Variants in SGCZ observed in about 807,000 individuals in gnomAD.
SGCZ encodes the protein sarcoglycan zeta, also known as zeta-sarcoglycan.
Under a neutral mutation model 41.3 loss-of-function variants are expected in SGCZ, and 40 were observed. The observed-to-expected ratio is 0.97, with a 90% CI of 0.75 to 1.26. The LOEUF (loss-of-function observed/expected upper bound fraction) is 1.26. SGCZ is among the 50% of genes most tolerant of loss of function. SGCZ has a pLI of 0.00. For synonymous variants in SGCZ, 206 were observed against 137.5 expected (o/e 1.50, Z -3.49); for missense variants, 552 against 369.8 (o/e 1.49, Z -4.04).
chr8:15,013,760 T>C (rs1439249319), intron 1 of SGCZ, among the ~76,000 whole-genome samples: 1 of 152,222 alleles, frequency 6.6e-6, no homozygotes, highest in Non-Finnish European at 1.5e-5. Flanking sequence ...TTATACATCA[T>C]ATGCTTAATG....
At chr8:14,455,895 T>C (rs985519977) in intron 2 of SGCZ, among the ~76,000 whole-genome samples, 1 of 152,202 alleles carries the variant, frequency 6.6e-6, no homozygotes, top group Admixed American at 6.5e-5. Flanking sequence ...AAAAGGAGTT[T>C]ACATGTTTAT....
chr8:14,172,193 C>G lies in SGCZ; in HGVS notation c.425-7491G>C, dbSNP rs146356390. ...TCTTCCAAATTCCACACAACAAAGACTTATTTTTTGTTCATGCCCATTTCC... is the reference window on the plus strand; with the variant it reads ...TCTTCCAAATTCCACACAACAAAGAGTTATTTTTTGTTCATGCCCATTTCC... On this transcript the variant is annotated intron_variant, in intron 4 of 7. Transcript: ENST00000382080. Among the ~76,000 whole-genome samples, 97 of 152,174 alleles carry G rather than the reference C, an allele frequency of 6.4e-4. 1 individual carries two copies. Among genetic ancestry groups the G allele is most frequent in the Admixed American group, 3.2e-3 (49 of 15,268 alleles).
chr8:14,811,319 T>G (rs977931344), intron 1 of SGCZ, among the ~76,000 whole-genome samples: 5 of 151,998 alleles, frequency 3.3e-5, no homozygotes, highest in African/African-American at 7.2e-5. Flanking sequence ...TTTATACATA[T>G]CAAAACCCAC....
rs143430677 is a variant in SGCZ at position 14,939,823 on chromosome 8, C to T, written c.39+297762G>A. The stretch of plus-strand genomic sequence containing the variant: ...ACACACACCACTCTCCTGATTTCCT[C>T]TCCTCTCCAGCCTTCACCCTACTTT... On this transcript the variant is annotated intron_variant, in intron 1 of 7. Coordinates refer to ENST00000382080, the MANE Select transcript of SGCZ (RefSeq NM_139167.4). Among the ~76,000 whole-genome samples the T allele has an allele frequency of 3.8e-3, 583 of 152,200 alleles. 6 individuals are homozygous for T. Among genetic ancestry groups the T allele is most frequent in the African/African-American group, 0.013 (555 of 41,542 alleles).
chr8:14,242,360 C>G (rs13249458), intron 3 of SGCZ, among the ~76,000 whole-genome samples: 44,862 of 152,028 alleles, frequency 0.3, 7,143 homozygotes, highest in Non-Finnish European at 0.36. Flanking sequence ...AGTTATGAAG[C>G]TTACAATAAA....
intron 1 of SGCZ, among the ~76,000 whole-genome samples, chr8:14,777,826 G>A (rs1380813142): frequency 1.3e-5 from 2 of 149,692 alleles, no homozygotes; most frequent in Non-Finnish European, 2.9e-5. Context: ...AATGTTAATT[G>A]AATCTGAGTG....
intron 2 of SGCZ, among the ~76,000 whole-genome samples, chr8:14,425,316 A>T (rs957673131): frequency 6.6e-6 from 1 of 152,238 alleles, no homozygotes; most frequent in African/African-American, 2.4e-5. Context: ...CTGTGATGTA[A>T]AAAATTTCAA....
At chr8:14,266,657 C>A (rs993792408) in intron 3 of SGCZ, among the ~76,000 whole-genome samples, 2 of 151,958 alleles carry the variant, frequency 1.3e-5, no homozygotes, top group African/African-American at 4.8e-5. Flanking sequence ...TCGTTAGGGA[C>A]CTGATGGGTC....
chr8:14,362,759 T>C (rs973860247), intron 2 of SGCZ, among the ~76,000 whole-genome samples: 4 of 152,104 alleles, frequency 2.6e-5, no homozygotes, highest in Non-Finnish European at 5.9e-5. Flanking sequence ...AATGCAGAAA[T>C]CACCCATCTT....
intron 2 of SGCZ, among the ~76,000 whole-genome samples, chr8:14,369,463 C>T (rs1207851791): frequency 1.3e-5 from 2 of 151,942 alleles, no homozygotes; most frequent in African/African-American, 2.4e-5. Context: ...TGCATCATAG[C>T]TAGAGGCACT....
At chr8:14,776,721 C>T (rs1271207794) in intron 1 of SGCZ, among the ~76,000 whole-genome samples, 1 of 151,878 alleles carries the variant, frequency 6.6e-6, no homozygotes, top group East Asian at 1.9e-4. Context: ...TCTCCATCTC[C>T]TGACCTTGTG....
intron 1 of SGCZ, among the ~76,000 whole-genome samples, chr8:15,052,597 T>A (rs959194853): frequency 1.3e-5 from 2 of 152,080 alleles, no homozygotes; most frequent in Admixed American, 6.5e-5. Context: ...GAGGCTTTCC[T>A]CGTCATGTGG....
chr8:14,868,620 A>G (rs1257829051), intron 1 of SGCZ, among the ~76,000 whole-genome samples: 2 of 152,192 alleles, frequency 1.3e-5, no homozygotes, highest in African/African-American at 4.8e-5. Flanking sequence ...AGTTTAAGCC[A>G]TTACAAAGCA....
At chr8:14,764,303 A>G (rs1435635494) in intron 1 of SGCZ, among the ~76,000 whole-genome samples, 3 of 152,236 alleles carry the variant, frequency 2.0e-5, no homozygotes, top group Non-Finnish European at 4.4e-5. Flanking sequence ...TTGATGCAAG[A>G]AAGGACTGAT....
Position 15,159,490 on chromosome 8 carries a change from T to G in SGCZ, c.39+78095A>C, listed in dbSNP as rs537924349. Reference sequence around the variant, plus strand: ...AAAGCTGGGGAGCAGTCTTGGGGACTGAGCCCTCAACCTGTGGCATCTGAA... The same window carrying G: ...AAAGCTGGGGAGCAGTCTTGGGGACGGAGCCCTCAACCTGTGGCATCTGAA... On this transcript the variant is annotated intron_variant, in intron 1 of 7. Transcript: ENST00000382080. Among the ~76,000 whole-genome samples, 27 of 152,258 alleles carry G rather than the reference T, an allele frequency of 1.8e-4. 1 individual carries two copies. In the South Asian group the frequency reaches 5.6e-3, roughly 32 times the overall value.
chr8:14,128,687 TAAA>T (rs1439562665), intron 5 of SGCZ, among the ~76,000 whole-genome samples: 2 of 151,900 alleles, frequency 1.3e-5, no homozygotes, highest in African/African-American at 4.8e-5. Flanking sequence ...AAAAATGTGA[TAAA>T]AATGTGATGT....
chr8:14,148,450 C>G (rs1803594571), intron 5 of SGCZ, among the ~76,000 whole-genome samples: 1 of 152,004 alleles, frequency 6.6e-6, no homozygotes, highest in African/African-American at 2.4e-5. Flanking sequence ...GGACAAATTT[C>G]TAGACACATA....
intron 1 of SGCZ, among the ~76,000 whole-genome samples, chr8:14,917,601 T>C (rs937739759): frequency 3.9e-5 from 6 of 152,130 alleles, no homozygotes; most frequent in Admixed American, 1.3e-4. Context: ...TATTAGAAAC[T>C]GACCAACCAA....
intron 2 of SGCZ, among the ~76,000 whole-genome samples, chr8:14,428,313 ACT>A (rs1309986557): frequency 2.6e-5 from 4 of 151,834 alleles, no homozygotes; most frequent in Admixed American, 6.6e-5. Flanking sequence ...TTTTATCATC[ACT>A]CTAATTCCAG....
Sources: gnomAD v4.1 joint callset for allele counts (sites outside exome capture counted in the v4.1 genomes callset) on GRCh38, gnomAD v4.1.1 for gene constraint, MANE v1.5 for transcripts, NCBI Gene and HGNC (gene_info 2026-07-23, HGNC 2026-07-21) for gene names.